Variants in TTC23 observed in about 807,000 individuals in gnomAD.
The protein encoded by TTC23 is tetratricopeptide repeat domain 23.
TTC23 carries 58 observed loss-of-function variants against 55.1 expected under a neutral mutation model. The ratio of observed to expected loss-of-function variants is 1.05; its 90% CI spans 0.85 to 1.31. TTC23 has a LOEUF of 1.31. Among genes scored for constraint, TTC23 ranks in the 50% most tolerant of loss-of-function variants. The probability of loss-of-function intolerance (pLI) is 0.00; values close to 1 mark genes in which losing one functional copy is unlikely to be tolerated. For synonymous variants in TTC23, 203 were observed against 199.9 expected (o/e 1.02, Z -0.13); for missense variants, 516 against 534.4 (o/e 0.97, Z 0.34).
intron 10 of TTC23, among the ~76,000 whole-genome samples, chr15:99,163,086 A>AAAACAAAC (rs139212554): frequency 2.5e-4 from 38 of 150,274 alleles, no homozygotes; most frequent in Admixed American, 6.6e-4. Flanking sequence ...CCTGTCTCAA[A>AAAACAAAC]AAACAAACAA....
At chr15:99,185,016 A>C (rs867325195) in intron 9 of TTC23, among the ~76,000 whole-genome samples, 3 of 152,206 alleles carry the variant, frequency 2.0e-5, no homozygotes, top group Middle Eastern at 6.8e-3. Flanking sequence ...GGCTCTGTGA[A>C]CAGGTGCCTT....
chr15:99,197,680 C>G (rs925825492), intron 9 of TTC23, among the ~76,000 whole-genome samples: 5 of 151,828 alleles, frequency 3.3e-5, no homozygotes, highest in African/African-American at 9.7e-5. Context: ...CCAAGGTGGG[C>G]AGATCACTTG....
chr15:99,191,231 C>T (rs1056821519), intron 9 of TTC23, among the ~76,000 whole-genome samples: 12 of 152,192 alleles, frequency 7.9e-5, no homozygotes, highest in Non-Finnish European at 1.5e-4. Context: ...AACTTAATAC[C>T]TTTCAATTTT....
At chr15:99,202,432 G>A (rs1475752686) in intron 8 of TTC23, among the ~76,000 whole-genome samples, 1 of 152,062 alleles carries the variant, frequency 6.6e-6, no homozygotes, top group African/African-American at 2.4e-5. Flanking sequence ...ATTTCATCTG[G>A]GCAACTGCTT....
At chr15:99,145,089 C>T (rs1392744954) in intron 12 of TTC23, 1 of 152,214 alleles carries the variant, frequency 6.6e-6, no homozygotes, top group Non-Finnish European at 1.5e-5. Flanking sequence ...AAACGTAATT[C>T]ATCAGACAGG....
At chr15:99,226,246 A>AGCATTATACTGACAT (rs1555533680) in intron 5 of TTC23, among the ~76,000 whole-genome samples, 2 of 152,220 alleles carry the variant, frequency 1.3e-5, no homozygotes, top group African/African-American at 4.8e-5. Context: ...ATTAGATAAT[A>AGCATTATACTGACAT]GTATTATACT....
At chr15:99,227,202 A>G (rs73469358) in intron 5 of TTC23, among the ~76,000 whole-genome samples, 12,599 of 152,066 alleles carry the variant, frequency 0.083, 808 homozygotes, top group African/African-American at 0.18. Flanking sequence ...TTTCTCCTGT[A>G]TTTGTTATAC....
In TTC23 at chr15:99,161,733, C is replaced by A; in HGVS notation, c.993+7G>T. The A allele has an allele frequency of 1.2e-6, 2 of 1,608,346 alleles. No homozygotes were observed. Among genetic ancestry groups the A allele is most frequent in the South Asian group, 1.1e-5 (1 of 89,684 alleles). On this transcript the variant is annotated splice_region_variant and intron_variant, in intron 11 of 13. Transcript: ENST00000394132. The stretch of plus-strand genomic sequence containing the variant: ...TAACTAGACAATTGTGATCCAAACT[C>A]ACTTACCTCTTTTTGTCCAGTCATT...
At chr15:99,183,504 T>C (rs1330260557) in intron 9 of TTC23, among the ~76,000 whole-genome samples, 1 of 146,982 alleles carries the variant, frequency 6.8e-6, no homozygotes, top group South Asian at 2.2e-4. Context: ...TGTATTTTTT[T>C]TTTTTTTTTT....
intron 5 of TTC23, among the ~76,000 whole-genome samples, chr15:99,224,682 T>G (rs979772479): frequency 9.9e-5 from 15 of 152,230 alleles, no homozygotes; most frequent in Non-Finnish European, 1.9e-4. Flanking sequence ...TCTGAGGCTG[T>G]GAGTAGCTAT....
chr15:99,177,481 G>A (rs1460929387), intron 9 of TTC23, among the ~76,000 whole-genome samples: 1 of 152,164 alleles, frequency 6.6e-6, no homozygotes, highest in African/African-American at 2.4e-5. Context: ...CAGGGATAGA[G>A]TCAAATTATT....
chr15:99,162,971 T>C, intron 10 of TTC23, among the ~76,000 whole-genome samples: 1 of 152,056 alleles, frequency 6.6e-6, no homozygotes, highest in Non-Finnish European at 1.5e-5. Context: ...TTGTCCCAGC[T>C]ACTTGGGAGG....
Position 99,136,675 on chromosome 15 carries a change from A to G in TTC23, c.*1335T>C, listed in dbSNP as rs533688802. Reference sequence around the variant, plus strand: ...CATCCCTTTGGGGATTAGGGCTTCAACGTGAATTGGGAGCATATGAACATT... The same window carrying G: ...CATCCCTTTGGGGATTAGGGCTTCAGCGTGAATTGGGAGCATATGAACATT... On this transcript the variant is annotated 3_prime_UTR_variant, in exon 14 of 14. Transcript: ENST00000394132. The G allele has an allele frequency of 6.0e-4, 91 of 152,428 alleles. No homozygotes were observed. Among genetic ancestry groups the G allele is most frequent in the Middle Eastern group, 6.8e-3 (2 of 294 alleles). The allele number at this position is 152,428 out of a possible 1,614,324, so 9.4% of individuals were successfully genotyped here.
intron 9 of TTC23, among the ~76,000 whole-genome samples, chr15:99,197,665 G>A: frequency 6.6e-6 from 1 of 151,984 alleles, no homozygotes. Flanking sequence ...CAGCACTTTG[G>A]GAGTCCAAGG....
chr15:99,189,997 CA>C (rs1014391252), intron 9 of TTC23, among the ~76,000 whole-genome samples: 1 of 151,934 alleles, frequency 6.6e-6, no homozygotes. Flanking sequence ...GGTAACATGG[CA>C]AAACCCCGTC....
chr15:99,168,607 A>AT (rs2072481614), intron 10 of TTC23, among the ~76,000 whole-genome samples: 1 of 152,234 alleles, frequency 6.6e-6, no homozygotes, highest in Non-Finnish European at 1.5e-5. Context: ...CGTGGTCATC[A>AT]TGCTGCTCAT....
rs776315871 is a variant in TTC23 at position 99,199,946 on chromosome 15, G to A, written c.732C>T (p.His244=). 9.3e-6 allele frequency: 15 copies of A among 1,612,762 alleles called. No individual in the cohort carries two copies. Among genetic ancestry groups the A allele is most frequent in the Non-Finnish European group, 8.5e-7 (1 of 1,179,464 alleles). Reference sequence around the variant, plus strand: ...GGAGGAAGTGGTTGATGGATACATCGTGGAGTCCCAGGGCTTGCTCTACAC... The same window carrying A: ...GGAGGAAGTGGTTGATGGATACATCATGGAGTCCCAGGGCTTGCTCTACAC... ...LAGVEQALGL[H]DVSINHFLQA... The change falls in exon 9 of 14, where the codon CAC becomes CAT. Residue 244 remains histidine, a synonymous_variant. Coordinates refer to ENST00000394132, the MANE Select transcript of TTC23 (RefSeq NM_001288615.3).
intron 4 of TTC23, among the ~76,000 whole-genome samples, chr15:99,231,869 C>T (rs1259995561): frequency 2.0e-5 from 3 of 150,458 alleles, no homozygotes; most frequent in African/African-American, 4.9e-5. Flanking sequence ...CTTGGCTCAC[C>T]GCAACCTCTA....
intron 9 of TTC23, among the ~76,000 whole-genome samples, chr15:99,192,490 G>A (rs181739674): frequency 6.6e-5 from 10 of 152,328 alleles, no homozygotes; most frequent in Admixed American, 6.5e-4. Context: ...TGGCTTCAGA[G>A]GGTGCAAGCC....
Sources: allele counts gnomAD v4.1 joint callset (sites outside exome capture counted in the v4.1 genomes callset), GRCh38; gene constraint gnomAD v4.1.1; transcripts MANE v1.5; gene names NCBI Gene and HGNC (gene_info 2026-07-23, HGNC 2026-07-21).